PPM1H: variants seen among roughly 807,000 people sequenced by gnomAD.
PPM1H encodes protein phosphatase 1H.
Under a neutral mutation model 54.9 loss-of-function variants are expected in PPM1H, and 27 were observed. The observed-to-expected ratio is 0.49, with a 90% confidence interval of 0.36 to 0.68. The LOEUF (loss-of-function observed/expected upper bound fraction) is 0.68. PPM1H is among the 30% of genes least tolerant of loss of function. The pLI is 0.00. For missense variants in PPM1H, 596 were observed against 667.8 expected (o/e 0.89, Z 1.19); for synonymous variants, 305 against 270.8 (o/e 1.13, Z -1.24).
chr12:62,771,197 T>TA lies in PPM1H; in HGVS notation c.869+17028dup, dbSNP rs57590881. Among the ~76,000 whole-genome samples, 275 of 137,798 alleles carry TA rather than the reference T, an allele frequency of 2.0e-3. 1 individual carries two copies. Among genetic ancestry groups the TA allele is most frequent in the Middle Eastern group, 3.9e-3 (1 of 256 alleles). The allele number at this position is 137,798 out of a possible 152,430, so 90.4% of individuals were successfully genotyped here. A position where few individuals can be genotyped will look rare whatever the true frequency, so the allele number is the denominator to read the frequency against. ...AACCATTGCTTGCCAAAATACTAGG[T>TA]AAAAAAAAAAAATCACAAAATTCGA... On this transcript the variant is annotated intron_variant, in intron 4 of 9. Transcript: ENST00000228705.
At chr12:62,926,306 T>C (rs1871969073) in intron 1 of PPM1H, among the ~76,000 whole-genome samples, 1 of 152,172 alleles carries the variant, frequency 6.6e-6, no homozygotes, top group Non-Finnish European at 1.5e-5. Context: ...TATAAGACAG[T>C]TGGTATCTAA....
At chr12:62,884,518 A>G (rs1326436516) in intron 1 of PPM1H, among the ~76,000 whole-genome samples, 1 of 146,060 alleles carries the variant, frequency 6.8e-6, no homozygotes, top group Non-Finnish European at 1.5e-5. Context: ...AAAAAAAAAA[A>G]GAAAGAAAGA....
intron 1 of PPM1H, among the ~76,000 whole-genome samples, chr12:62,925,471 G>A (rs61920297): frequency 0.39 from 59,412 of 152,088 alleles, 11,895 homozygotes; most frequent in South Asian, 0.48. Flanking sequence ...ATAGCTACTC[G>A]GGAGGCTGAG....
At chr12:62,675,424 G>A (rs2136621401) in intron 8 of PPM1H, among the ~76,000 whole-genome samples, 1 of 152,274 alleles carries the variant, frequency 6.6e-6, no homozygotes, top group Non-Finnish European at 1.5e-5. Context: ...GAATGAATGG[G>A]CTTCAACATA....
At chr12:62,708,397 G>A (rs1470919347) in intron 6 of PPM1H, among the ~76,000 whole-genome samples, 1 of 152,148 alleles carries the variant, frequency 6.6e-6, no homozygotes, top group East Asian at 1.9e-4. Flanking sequence ...GCCACCGCAG[G>A]TGACCATCTT....
At position 62,861,181 on chromosome 12, in the gene PPM1H, C is replaced by T. The variant is rs530661691; in HGVS notation, c.246-28902G>A. Among the ~76,000 whole-genome samples the T allele has an allele frequency of 3.3e-5, 5 of 152,334 alleles. No individual in the cohort carries two copies. In the East Asian group the frequency reaches 5.8e-4, roughly 18 times the overall value. ...CTTGCTTCTTTACTAGCAAAATAAG[C>T]TATGGGCCTCATTTCTCTCCTCTGA... On this transcript the variant is annotated intron_variant, in intron 1 of 9. Coordinates refer to ENST00000228705, the MANE Select transcript of PPM1H (RefSeq NM_020700.2).
At chr12:62,915,485 A>G (rs762448186) in intron 1 of PPM1H, among the ~76,000 whole-genome samples, 16 of 152,168 alleles carry the variant, frequency 1.1e-4, no homozygotes, top group Non-Finnish European at 1.8e-4. Flanking sequence ...AGGGATTATT[A>G]CCTTTTCTGT....
chr12:62,689,000 TACAAAACAAA>T (rs569498629), intron 8 of PPM1H, among the ~76,000 whole-genome samples: 1 of 151,932 alleles, frequency 6.6e-6, no homozygotes, highest in African/African-American at 2.4e-5. Context: ...TGTCTCAAAA[TACAAAACAAA>T]ACAAAACAAC....
At chr12:62,782,216 C>T (rs571530137) in intron 4 of PPM1H, among the ~76,000 whole-genome samples, 19 of 152,238 alleles carry the variant, frequency 1.2e-4, no homozygotes, top group South Asian at 4.1e-4. Context: ...TTGTACTGGC[C>T]GTTGGTGAAA....
At chr12:62,829,916 A>G (rs1379994737) in intron 2 of PPM1H, among the ~76,000 whole-genome samples, 2 of 152,220 alleles carry the variant, frequency 1.3e-5, no homozygotes, top group Non-Finnish European at 1.5e-5. Flanking sequence ...CAGTGGAAAG[A>G]GCAACACTAA....
chr12:62,779,191 C>A (rs76543787), intron 4 of PPM1H, among the ~76,000 whole-genome samples: 14,695 of 151,988 alleles, frequency 0.097, 772 homozygotes, highest in South Asian at 0.15. Flanking sequence ...GCCCACGCCA[C>A]CATGCCTGGC....
intron 4 of PPM1H, among the ~76,000 whole-genome samples, chr12:62,740,449 G>A (rs888286942): frequency 5.3e-5 from 8 of 152,160 alleles, no homozygotes; most frequent in Admixed American, 1.3e-4. Context: ...CTTCTTTGCT[G>A]TTGTGGACTA....
chr12:62,818,111 T>G (rs1279469571), intron 2 of PPM1H, among the ~76,000 whole-genome samples: 2 of 152,124 alleles, frequency 1.3e-5, no homozygotes, highest in African/African-American at 2.4e-5. Context: ...GCAAAAAAAT[T>G]TCCTGGTTAT....
chr12:62,932,628 C>CTTTTTTAT (rs1872177633), intron 1 of PPM1H, among the ~76,000 whole-genome samples: 1 of 54,012 alleles, frequency 1.9e-5, no homozygotes, highest in Non-Finnish European at 3.2e-5. Flanking sequence ...TCCAAATGGG[C>CTTTTTTAT]TTTTTTTTTT....
chr12:62,802,625 G>A (rs1369110513), intron 2 of PPM1H, among the ~76,000 whole-genome samples: 9 of 150,726 alleles, frequency 6.0e-5, no homozygotes, highest in East Asian at 3.9e-4. Context: ...GTTCAGTGGC[G>A]CGATCTAGGC....
At chr12:62,926,095 A>C (rs1375585411) in intron 1 of PPM1H, among the ~76,000 whole-genome samples, 1 of 152,134 alleles carries the variant, frequency 6.6e-6, no homozygotes, top group Non-Finnish European at 1.5e-5. Context: ...GACAAACTGA[A>C]CCTATTGGAG....
At chr12:62,666,143 T>C (rs2075916550) in intron 9 of PPM1H, among the ~76,000 whole-genome samples, 2 of 152,178 alleles carry the variant, frequency 1.3e-5, no homozygotes, top group African/African-American at 4.8e-5. Flanking sequence ...AGTGGCGCGA[T>C]CTTGGCTCAC....
At chr12:62,927,412 C>T (rs959054618) in intron 1 of PPM1H, among the ~76,000 whole-genome samples, 25 of 152,132 alleles carry the variant, frequency 1.6e-4, no homozygotes, top group African/African-American at 5.3e-4. Context: ...GTCATCCCTA[C>T]ATTTTGGGAG....
chr12:62,692,835 A>G (rs2076090126), intron 7 of PPM1H, among the ~76,000 whole-genome samples: 1 of 151,968 alleles, frequency 6.6e-6, no homozygotes, highest in Non-Finnish European at 1.5e-5. Flanking sequence ...TGTGTTTGGT[A>G]TTCCTCCTTC....
Sources: gnomAD v4.1 joint callset for allele counts (sites outside exome capture counted in the v4.1 genomes callset) on GRCh38, gnomAD v4.1.1 for gene constraint, MANE v1.5 for transcripts, NCBI Gene and HGNC (gene_info 2026-07-23, HGNC 2026-07-21) for gene names.